The following B4GALT7 variants were observed in gnomAD, a reference collection of about 807,000 sequenced individuals.
The protein encoded by B4GALT7 is beta-1,4-galactosyltransferase 7.
In B4GALT7, 30 loss-of-function variants were observed where a neutral mutation model predicts 33.0. The ratio of observed to expected loss-of-function variants is 0.91; its 90% confidence interval spans 0.68 to 1.23. The LOEUF (loss-of-function observed/expected upper bound fraction) is 1.23, where lower values mean the gene tolerates loss of function less well. B4GALT7 is among the 50% of genes most tolerant of loss of function. B4GALT7 has a pLI of 0.00. For missense variants in B4GALT7, 507 were observed against 450.8 expected (o/e 1.12, Z -1.13); for synonymous variants, 213 against 187.2 (o/e 1.14, Z -1.13).
rs1486421173 is a variant in B4GALT7, at chr5:177,608,425, AC to A, written c.640-111del. The A allele has an allele frequency of 4.3e-6, 4 of 923,366 alleles. No individual in the cohort carries two copies. The African/African-American group carries it at 6.6e-5, about 15-fold the overall frequency. 57.2% of individuals were successfully genotyped at this position (923,366 alleles called of 1,614,324 possible). On this transcript the variant is annotated intron_variant, in intron 3 of 5. Coordinates refer to ENST00000029410, the MANE Select transcript of B4GALT7 (RefSeq NM_007255.3). The surrounding 1 kb of genome is among the most constrained non-coding windows in gnomAD (Gnocchi z 4.1). ...TGCAGAAGTGCAGGAGCCTGCAAGC[AC>A]CCGGGGCTTATTCAGAGGCGCTGGG...
At position 177,609,707 on chromosome 5, in the gene B4GALT7, A is replaced by C; in HGVS notation, c.*12A>C. 6.3e-7 allele frequency: 1 copy of C among 1,595,640 alleles called. No individual in the cohort carries two copies. Among genetic ancestry groups the C allele is most frequent in the Non-Finnish European group, 8.5e-7 (1 of 1,171,138 alleles). On this transcript the variant is annotated 3_prime_UTR_variant, in exon 6 of 6. Coordinates refer to ENST00000029410, the MANE Select transcript of B4GALT7 (RefSeq NM_007255.3). Reference sequence around the variant, plus strand: ...GCACATTCAGCTGAGCTGGATGGACAGTGAGGAAGCCTGTACCTACAGGCC... The same window carrying C: ...GCACATTCAGCTGAGCTGGATGGACCGTGAGGAAGCCTGTACCTACAGGCC...
chr5:177,604,451 T>C lies in B4GALT7; in HGVS notation c.323T>C (p.Leu108Pro). 1 of 1,613,900 alleles carries C rather than the reference T, an allele frequency of 6.2e-7. No individual in the cohort carries two copies. Among genetic ancestry groups the C allele is most frequent in the Non-Finnish European group, 8.5e-7 (1 of 1,179,922 alleles). Reference sequence around the variant, plus strand: ...CCCTTCCGCGAACGCTTCGAGGAGCTCCTGGTCTTCGTGCCCCACATGCGC... The same window carrying C: ...CCCTTCCGCGAACGCTTCGAGGAGCCCCTGGTCTTCGTGCCCCACATGCGC... ...LVPFRERFEELLVFVPHMRRF... is the reference protein window; with the variant it reads ...LVPFRERFEEPLVFVPHMRRF... The change falls in exon 2 of 6, where the codon CTC (leucine) becomes CCC (proline). Residue 108 changes from leucine (L) to proline (P), a missense_variant. Transcript: ENST00000029410.
chr5:177,604,208 G>C lies in B4GALT7; in HGVS notation c.80G>C (p.Arg27Pro), dbSNP rs1433365660. The stretch of plus-strand genomic sequence containing the variant: ...GGGTTGCTCTCCGGCGGCCTCCCTC[G>C]GAAGTGTTCCGTCTTCCACCTGTTC... ...RSGLLSGGLPRKCSVFHLFVA... is the reference protein window; with the variant it reads ...RSGLLSGGLPPKCSVFHLFVA... Residue 27 changes from arginine (R) to proline (P), a missense_variant, in exon 2 of 6, where the codon CGG becomes CCG. Arg to Pro is a moderately radical substitution (Grantham distance 103). Coordinates refer to ENST00000029410, the MANE Select transcript of B4GALT7 (RefSeq NM_007255.3). 1 of 1,613,508 alleles carries C rather than the reference G, an allele frequency of 6.2e-7. No individual in the cohort carries two copies. Among genetic ancestry groups the C allele is most frequent in the Non-Finnish European group, 8.5e-7 (1 of 1,179,952 alleles).
At position 177,604,172 on chromosome 5, in the gene B4GALT7, G is replaced by C. The variant is rs780624916; in HGVS notation, c.51-7G>C. The C allele has an allele frequency of 1.2e-6, 2 of 1,613,446 alleles. No individual in the cohort carries two copies. The highest frequency in any genetic ancestry group is 4.5e-5 in the East Asian group (2 of 44,878). On this transcript the variant is annotated splice_polypyrimidine_tract_variant and splice_region_variant and intron_variant, in intron 1 of 5. Transcript: ENST00000029410. ...GCCCTCCTGACCCTGTCCCGCGCTT[G>C]CTCCAGGTCCGGGTTGCTCTCCGGC... is the stretch of plus-strand genomic sequence containing the variant.
chr5:177,608,942 C>T lies in B4GALT7; in HGVS notation c.756C>T (p.Tyr252=). The change falls in exon 5 of 6, where the codon TAC becomes TAT. Residue 252 remains tyrosine, a synonymous_variant. Coordinates refer to ENST00000029410, the MANE Select transcript of B4GALT7 (RefSeq NM_007255.3). This position sits in a 1 kb window ranked among gnomAD's most constrained non-coding sequence, Gnocchi z 4.1. ...LFRPSGITTG[Y]KTFRHLHDPA... is the part of the protein sequence containing the mutation. ...GCCCCTCGGGAATCACAACTGGGTA[C>T]AAGACATTTCGCCACCTGCATGACC... 1 of 1,613,772 alleles carries T rather than the reference C, an allele frequency of 6.2e-7. No homozygotes were observed.
intron 2 of B4GALT7, among the ~76,000 whole-genome samples, chr5:177,605,488 A>G (rs1188609116): frequency 6.6e-6 from 1 of 152,192 alleles, no homozygotes; most frequent in Non-Finnish European, 1.5e-5. Context: ...CTCATAGCTG[A>G]CGACTTTGCT....
chr5:177,608,952 C>T lies in B4GALT7; in HGVS notation c.766C>T (p.Arg256Cys), dbSNP rs756527433. ...SGITTGYKTF[R>C]HLHDPAWRKR... is the part of the protein sequence containing the mutation. Reference sequence around the variant, plus strand: ...AATCACAACTGGGTACAAGACATTTCGCCACCTGCATGACCCAGCCTGGCG... The same window carrying T: ...AATCACAACTGGGTACAAGACATTTTGCCACCTGCATGACCCAGCCTGGCG... The change falls in exon 5 of 6, where the codon CGC (arginine) becomes TGC (cysteine). Residue 256 changes from arginine (R) to cysteine (C), a missense_variant. Transcript: ENST00000029410. This position sits in a 1 kb window ranked among gnomAD's most constrained non-coding sequence, Gnocchi z 4.1. The T allele has an allele frequency of 1.2e-5, 19 of 1,613,606 alleles. No homozygotes were observed. Among genetic ancestry groups the T allele is most frequent in the Admixed American group, 5.0e-5 (3 of 60,006 alleles).
rs761984181 is a variant in B4GALT7, at chr5:177,604,233, C to T, written c.105C>T (p.Phe35=). ...GGAAGTGTTCCGTCTTCCACCTGTT[C>T]GTGGCCTGCCTCTCGCTGGGCTTCT... ...LPRKCSVFHL[F]VACLSLGFFS... The change falls in exon 2 of 6, where the codon TTC becomes TTT. Residue 35 remains phenylalanine (F), a synonymous_variant. Transcript: ENST00000029410. 4.3e-6 allele frequency: 7 copies of T among 1,613,622 alleles called. No homozygotes were observed. Among genetic ancestry groups the T allele is most frequent in the South Asian group, 1.1e-5 (1 of 91,080 alleles).
chr5:177,603,274 G>T (rs1332207211), intron 1 of B4GALT7: 1 of 985,136 alleles, frequency 1.0e-6, no homozygotes, highest in Non-Finnish European at 1.2e-6. Flanking sequence ...AGAAGGTAGG[G>T]GGAGTACAGA....
At position 177,609,655 on chromosome 5, in the gene B4GALT7, A is replaced by C. The variant is rs745351199; in HGVS notation, c.944A>C (p.Asp315Ala). The change falls in exon 6 of 6, where the codon GAC becomes GCC. Residue 315 changes from aspartate to alanine, a missense_variant. Asp to Ala is a moderately radical substitution (Grantham distance 126). Transcript: ENST00000029410. ...APCTVLNIML[D>A]CDKTATPWCT... ...TGCACTGTCCTCAACATCATGTTGG[A>C]CTGTGACAAGACCGCCACACCCTGG... 1.2e-6 allele frequency: 2 copies of C among 1,613,452 alleles called. No individual in the cohort carries two copies. Among genetic ancestry groups the C allele is most frequent in the Non-Finnish European group, 1.7e-6 (2 of 1,179,804 alleles).
chr5:177,602,727 C>A, intron 1 of B4GALT7: 1 of 599,908 alleles, frequency 1.7e-6, no homozygotes. Context: ...GGAGTTGGGG[C>A]CAGGTCATGG....
chr5:177,609,940 A>C lies in B4GALT7; in HGVS notation c.*245A>C. On this transcript the variant is annotated 3_prime_UTR_variant, in exon 6 of 6. Transcript: ENST00000029410. ...GAGGCTGGGGTGTGTCCTGTCCGGGACCCCCCCTGCCTTCCTGCTCACCCT... is the reference window on the plus strand; with the variant it reads ...GAGGCTGGGGTGTGTCCTGTCCGGGCCCCCCCCTGCCTTCCTGCTCACCCT... The C allele has an allele frequency of 1.8e-6, 1 of 565,956 alleles. No homozygotes were observed. Among genetic ancestry groups the C allele is most frequent in the Non-Finnish European group, 3.2e-6 (1 of 315,810 alleles). 35.1% of individuals were successfully genotyped at this position (565,956 alleles called of 1,614,324 possible).
Position 177,608,466 on chromosome 5 carries a change from C to G in B4GALT7, c.640-73C>G. ...GAGGCGCTGGGGGAGAGGGGCACTC[C>G]CGAGCGGTAGGAGACCAAAGGCCCC... On this transcript the variant is annotated intron_variant, in intron 3 of 5. Coordinates refer to ENST00000029410, the MANE Select transcript of B4GALT7 (RefSeq NM_007255.3). The surrounding 1 kb of genome is among the most constrained non-coding windows in gnomAD (Gnocchi z 4.1). The G allele has an allele frequency of 1.4e-6, 2 of 1,408,200 alleles. No homozygotes were observed. The highest frequency in any genetic ancestry group is 2.0e-6 in the Non-Finnish European group (2 of 996,390). The allele number at this position is 1,408,200 out of a possible 1,614,324, so 87.2% of individuals were successfully genotyped here.
In B4GALT7 at chr5:177,606,755, A is replaced by C; in HGVS notation, c.414-547A>C. The C allele has an allele frequency of 4.2e-6, 1 of 235,894 alleles. No homozygotes were observed. 14.6% of individuals were successfully genotyped at this position (235,894 alleles called of 1,614,324 possible). ...CTTGTGCAGTCACTGTGTCACCCCC[A>C]ACATCCCCACCTCTGCCCTCGCCCT... On this transcript the variant is annotated intron_variant, in intron 2 of 5. Transcript: ENST00000029410. This position sits in a 1 kb window ranked among gnomAD's most constrained non-coding sequence, Gnocchi z 4.2.
intron 2 of B4GALT7, chr5:177,604,967 G>A (rs1767945538): frequency 6.6e-6 from 3 of 456,956 alleles, no homozygotes; most frequent in Admixed American, 2.4e-5. Flanking sequence ...TAAAATCCCT[G>A]CCCTTACCAA....
chr5:177,609,067 G>A, intron 5 of B4GALT7, 53 bp downstream of exon 5: 2 of 1,497,742 alleles, frequency 1.3e-6, no homozygotes, highest in South Asian at 1.1e-5. Flanking sequence ...TGGGGAGCCA[G>A]CAGGCCCGGG....
rs1193275831 is a variant in B4GALT7, at chr5:177,610,294, T to C, written c.*599T>C. ...TTCTTAAGTGATATCTTCTGATTTT[T>C]TAAATGATAGCACCTAAATGAAACT... is the stretch of plus-strand genomic sequence containing the variant. On this transcript the variant is annotated 3_prime_UTR_variant, in exon 6 of 6. Transcript: ENST00000029410. 1 of 154,958 alleles carries C rather than the reference T, an allele frequency of 6.5e-6. No individual in the cohort carries two copies. Among genetic ancestry groups the C allele is most frequent in the East Asian group, 1.9e-4 (1 of 5,264 alleles). 9.6% of individuals were successfully genotyped at this position (154,958 alleles called of 1,614,324 possible).
At chr5:177,607,098 T>C (rs1441566232) in intron 2 of B4GALT7, 5 of 642,066 alleles carry the variant, frequency 7.8e-6, no homozygotes, top group African/African-American at 5.4e-5. Context: ...TTCACTGCTG[T>C]ACCTCCCGTG....
intron 3 of B4GALT7, 153 bp downstream of exon 3, chr5:177,607,680 A>T (rs1163223375): frequency 6.9e-6 from 5 of 729,510 alleles, no homozygotes; most frequent in Non-Finnish European, 1.1e-5. Flanking sequence ...TGCGAAGAGC[A>T]GGCGAGCCAG....
Sources: allele counts gnomAD v4.1 joint callset (sites outside exome capture counted in the v4.1 genomes callset), GRCh38; gene constraint gnomAD v4.1.1; non-coding constraint Gnocchi (gnomAD v3.1); transcripts MANE v1.5; gene names NCBI Gene and HGNC (gene_info 2026-07-23, HGNC 2026-07-21).